The following AFF1 variants were observed in gnomAD, a reference collection of about 807,000 sequenced individuals.
AFF1 encodes ALF transcription elongation factor 1, also known as AF4/FMR2 family member 1.
In AFF1, 48 loss-of-function variants were observed where a neutral mutation model predicts 121.7. The ratio of observed to expected loss-of-function variants is 0.39; its 90% CI spans 0.31 to 0.50. The LOEUF (loss-of-function observed/expected upper bound fraction) is 0.50. Among genes scored for constraint, AFF1 ranks in the 20% least tolerant of loss-of-function variants. The probability of loss-of-function intolerance (pLI) is 0.76; values close to 1 mark genes in which losing one functional copy is unlikely to be tolerated. For synonymous variants in AFF1, 613 were observed against 563.0 expected, an observed-to-expected ratio of 1.09 and a Z score of -1.26; for missense variants, 1,523 against 1,511.7, an observed-to-expected ratio of 1.01 and a Z score of -0.12.
intron 10 of AFF1, 110 bp from the exon 11 acceptor site, chr4:87,108,049 T>C: frequency 8.5e-7 from 1 of 1,172,066 alleles, no homozygotes. Flanking sequence ...TTTAGCAGTG[T>C]ATCTAATACC....
chr4:86,968,477 G>A (rs563936959), intron 2 of AFF1, among the ~76,000 whole-genome samples: 7 of 152,294 alleles, frequency 4.6e-5, no homozygotes, highest in Non-Finnish European at 8.8e-5. Flanking sequence ...ACAGTTTTCA[G>A]TATTCACAAT....
At chr4:86,941,579 G>C (rs1259997855) in intron 1 of AFF1, among the ~76,000 whole-genome samples, 2 of 152,124 alleles carry the variant, frequency 1.3e-5, no homozygotes, top group African/African-American at 4.8e-5. Flanking sequence ...AATTGCTTTG[G>C]GGGTGGAGGT....
At chr4:87,046,318 G>A in intron 3 of AFF1, 32 bp downstream of exon 3, 2 of 1,603,496 alleles carry the variant, frequency 1.2e-6, no homozygotes, top group Non-Finnish European at 1.7e-6. Context: ...TTGAAGTCCT[G>A]ATTTATCACA....
chr4:87,131,918 T>C, intron 18 of AFF1, 54 bp downstream of exon 18: 1 of 1,397,078 alleles, frequency 7.2e-7, no homozygotes, highest in Non-Finnish European at 9.6e-7. Flanking sequence ...CATCTGTTGA[T>C]GTTACAAAAA....
At position 87,093,260 on chromosome 4, in the gene AFF1, A is replaced by T. The variant is rs893124341; in HGVS notation, c.1228+1431A>T. The stretch of plus-strand genomic sequence containing the variant: ...CCTGGCTCACCAGCTGCTTACCCCC[A>T]CATCTTTTATGCTGCTGTCACTTTA... On this transcript the variant is annotated intron_variant, in intron 7 of 20. Transcript: ENST00000395146. Among the ~76,000 whole-genome samples the T allele has an allele frequency of 2.0e-5, 3 of 152,084 alleles. No individual in the cohort carries two copies. In the Middle Eastern group the frequency reaches 0.01, roughly 517 times the overall value.
In AFF1 at chr4:86,964,270, C is replaced by T. The variant is rs542765932; in HGVS notation, c.38+15699C>T. Among the ~76,000 whole-genome samples the T allele has an allele frequency of 9.4e-4, 141 of 150,612 alleles. 1 individual carries two copies. The highest frequency in any genetic ancestry group is 6.9e-3 in the Middle Eastern group (2 of 288). On this transcript the variant is annotated intron_variant, in intron 2 of 20. Transcript: ENST00000395146. ...TCCCGAGTAGCTGGGATTGCAGGTG[C>T]GCACCACCACATCCAGCTAATTTTT... is the stretch of plus-strand genomic sequence containing the variant.
intron 2 of AFF1, among the ~76,000 whole-genome samples, chr4:87,026,199 C>T (rs1364531979): frequency 6.6e-6 from 1 of 151,918 alleles, no homozygotes; most frequent in African/African-American, 2.4e-5. Flanking sequence ...GAGTGAAACT[C>T]TGTCTCAAAA....
At chr4:87,085,536 T>C (rs573278311) in intron 5 of AFF1, among the ~76,000 whole-genome samples, 1 of 152,166 alleles carries the variant, frequency 6.6e-6, no homozygotes, top group Non-Finnish European at 1.5e-5. Context: ...ATTTACTCAA[T>C]TTTAGTTTTT....
At chr4:86,975,407 C>T (rs1416354468) in intron 2 of AFF1, among the ~76,000 whole-genome samples, 1 of 152,096 alleles carries the variant, frequency 6.6e-6, no homozygotes, top group Non-Finnish European at 1.5e-5. Flanking sequence ...CACACCACCA[C>T]ACATAGCTAA....
At chr4:87,050,448 G>C (rs867196) in intron 4 of AFF1, among the ~76,000 whole-genome samples, 87,220 of 151,884 alleles carry the variant, frequency 0.57, 27,411 homozygotes, top group African/African-American at 0.86. Flanking sequence ...TTATTTTTTG[G>C]TTTTTATGTT....
intron 12 of AFF1, 23 bp from the exon 13 acceptor site, chr4:87,125,009 ATTTGC>A: frequency 6.5e-7 from 1 of 1,528,354 alleles, no homozygotes; most frequent in South Asian, 1.2e-5. Context: ...GTTGGTAATA[ATTTGC>A]TTTGCTGATT....
At chr4:87,023,284 G>A (rs1235252599) in intron 2 of AFF1, among the ~76,000 whole-genome samples, 4 of 152,016 alleles carry the variant, frequency 2.6e-5, no homozygotes, top group African/African-American at 9.7e-5. Context: ...TTGTTTTTTG[G>A]TGTCAGTCTC....
At chr4:87,067,934 A>G (rs914592231) in intron 4 of AFF1, among the ~76,000 whole-genome samples, 1 of 152,170 alleles carries the variant, frequency 6.6e-6, no homozygotes, top group African/African-American at 2.4e-5. Flanking sequence ...TAAAAAGTAA[A>G]GTTTTATGGG....
At chr4:87,116,761 T>C (rs903058462) in intron 12 of AFF1, among the ~76,000 whole-genome samples, 2 of 152,228 alleles carry the variant, frequency 1.3e-5, no homozygotes, top group African/African-American at 4.8e-5. Flanking sequence ...GTAAGTGCTC[T>C]GTCTCAGCTA....
chr4:87,103,775 T>G (rs1725652176), intron 8 of AFF1, among the ~76,000 whole-genome samples: 1 of 152,220 alleles, frequency 6.6e-6, no homozygotes, highest in Non-Finnish European at 1.5e-5. Flanking sequence ...TTTAATCCTG[T>G]GCTCAAAACA....
chr4:87,121,677 C>T (rs1231362448), intron 12 of AFF1, among the ~76,000 whole-genome samples: 2 of 152,238 alleles, frequency 1.3e-5, no homozygotes, highest in African/African-American at 4.8e-5. Context: ...TGATGGCTTC[C>T]TTTCTACCAG....
chr4:87,096,301 T>C (rs1033758610), intron 8 of AFF1, among the ~76,000 whole-genome samples: 19 of 23,798 alleles, frequency 8.0e-4, no homozygotes, highest in Admixed American at 4.7e-3. Flanking sequence ...TTATTCCCTT[T>C]TTTTTTTTTT....
In AFF1 at chr4:87,119,996, C is replaced by G. The variant is rs139104296; in HGVS notation, c.2466+4697C>G. On this transcript the variant is annotated intron_variant, in intron 12 of 20. Transcript: ENST00000395146. ...CAGATCAGCACCCCTAGTTATCGTT[C>G]AAAATGAAAGCTCATCCCTTCTGAT... Among the ~76,000 whole-genome samples the G allele has an allele frequency of 2.7e-3, 412 of 152,256 alleles. 4 individuals carry two copies. The highest frequency in any genetic ancestry group is 3.4e-3 in the Middle Eastern group (1 of 294).
chr4:87,061,841 A>G (rs919209545), intron 4 of AFF1, among the ~76,000 whole-genome samples: 2 of 126,182 alleles, frequency 1.6e-5, no homozygotes, highest in Admixed American at 1.5e-4. Context: ...TCATCATGAA[A>G]TGTCCTTAAA....
Sources: allele counts gnomAD v4.1 joint callset (sites outside exome capture counted in the v4.1 genomes callset), GRCh38; gene constraint gnomAD v4.1.1; transcripts MANE v1.5; gene names NCBI Gene and HGNC (gene_info 2026-07-23, HGNC 2026-07-21).